BBOX1: variants seen among roughly 807,000 people sequenced by gnomAD.
BBOX1 encodes the protein gamma-butyrobetaine hydroxylase 1.
BBOX1 carries 35 observed loss-of-function variants against 41.6 expected under a neutral mutation model. The ratio of observed to expected loss-of-function variants is 0.84; its 90% CI spans 0.64 to 1.11. The LOEUF (loss-of-function observed/expected upper bound fraction) is 1.11. Ranked by LOEUF, BBOX1 falls within the 50% of genes most tolerant of loss-of-function variation. BBOX1 has a pLI of 0.00. For missense variants in BBOX1, 458 were observed against 460.6 expected (o/e 0.99, Z 0.05); for synonymous variants, 163 against 154.7 (o/e 1.05, Z -0.40).
intron 5 of BBOX1, among the ~76,000 whole-genome samples, chr11:27,105,781 C>G (rs1858844243): frequency 6.6e-6 from 1 of 152,056 alleles, no homozygotes; most frequent in Non-Finnish European, 1.5e-5. Context: ...CTCCAAGACA[C>G]ATAACTGTCA....
Position 27,047,080 on chromosome 11 carries a change from C to G in BBOX1, c.-39+5602C>G, listed in dbSNP as rs542196456. On this transcript the variant is annotated intron_variant, in intron 2 of 8. Coordinates refer to ENST00000263182, the MANE Select transcript of BBOX1 (RefSeq NM_003986.3). Reference sequence around the variant, plus strand: ...AGGGATTGTGAAGAGAAGGAATGACCCACTAAGTTTCTACAGAGATACCTA... The same window carrying G: ...AGGGATTGTGAAGAGAAGGAATGACGCACTAAGTTTCTACAGAGATACCTA... 2.0e-5 allele frequency: 3 copies of G among 152,210 alleles called. No homozygotes were observed. In the South Asian group the frequency reaches 6.2e-4, roughly 32 times the overall value. The allele number at this position is 152,210 out of a possible 1,614,324, so 9.4% of individuals were successfully genotyped here.
chr11:27,043,306 A>G (rs11029797), intron 2 of BBOX1, among the ~76,000 whole-genome samples: 79,906 of 151,778 alleles, frequency 0.53, 21,377 homozygotes, highest in African/African-American at 0.63. Flanking sequence ...CTCGTGATCC[A>G]CCCACCTCAG....
At chr11:27,097,098 G>T (rs914575891) in intron 5 of BBOX1, among the ~76,000 whole-genome samples, 3 of 151,936 alleles carry the variant, frequency 2.0e-5, no homozygotes, top group Admixed American at 6.6e-5. Context: ...TGTCAATTTT[G>T]TCAAATACAT....
At chr11:27,058,762 C>T (rs1276839868) in intron 4 of BBOX1, among the ~76,000 whole-genome samples, 3 of 152,096 alleles carry the variant, frequency 2.0e-5, no homozygotes, top group South Asian at 2.1e-4. Flanking sequence ...AATTTCTAAG[C>T]AGCAAAGTAA....
At chr11:27,096,564 G>A (rs763154811) in intron 5 of BBOX1, among the ~76,000 whole-genome samples, 6 of 151,946 alleles carry the variant, frequency 3.9e-5, no homozygotes, top group South Asian at 2.1e-4. Flanking sequence ...GCCTTCCTTG[G>A]GAAACTAGTA....
chr11:27,102,089 T>A (rs891932520), intron 5 of BBOX1, among the ~76,000 whole-genome samples: 1 of 152,116 alleles, frequency 6.6e-6, no homozygotes, highest in East Asian at 1.9e-4. Context: ...TGACATAAGC[T>A]TGGTGCTGAG....
rs1859709479 is a variant in BBOX1, at chr11:27,127,446, G to A, written c.1157G>A (p.Gly386Glu). 3 of 1,603,240 alleles carry A rather than the reference G, an allele frequency of 1.9e-6. No individual in the cohort carries two copies. The highest frequency in any genetic ancestry group is 2.5e-6 in the Non-Finnish European group (3 of 1,177,422). Residue 386 changes from glycine (G) to glutamate (E), a missense_variant, in exon 9 of 9, where the codon GGA becomes GAA. By Grantham distance (98) the Gly-to-Glu change is moderately conservative. Coordinates refer to ENST00000263182, the MANE Select transcript of BBOX1 (RefSeq NM_003986.3). ...LRILRQRVEN[G>E]N is the part of the protein sequence containing the mutation. Reference sequence around the variant, plus strand: ...ATCTTAAGGCAGAGGGTGGAGAATGGAAACTGAAGTCACCTGTAGATAATT... The same window carrying A: ...ATCTTAAGGCAGAGGGTGGAGAATGAAAACTGAAGTCACCTGTAGATAATT...
At chr11:27,072,144 G>A (rs1857474174) in intron 4 of BBOX1, among the ~76,000 whole-genome samples, 1 of 152,174 alleles carries the variant, frequency 6.6e-6, no homozygotes, top group African/African-American at 2.4e-5. Flanking sequence ...CCTGTTTGCA[G>A]ATGACATGAT....
chr11:27,069,923 G>C (rs1375020070), intron 4 of BBOX1, among the ~76,000 whole-genome samples: 1 of 152,008 alleles, frequency 6.6e-6, no homozygotes, highest in Non-Finnish European at 1.5e-5. Context: ...GTGATGTATA[G>C]TAGTCAACAT....
chr11:27,113,720 G>A (rs1376459371), intron 5 of BBOX1, among the ~76,000 whole-genome samples: 1 of 151,340 alleles, frequency 6.6e-6, no homozygotes, highest in Admixed American at 6.6e-5. Context: ...TATATTACCT[G>A]AGTGACAAAA....
At chr11:27,055,789 G>A (rs1015614325) in intron 3 of BBOX1, 140 bp downstream of exon 3, 16 of 640,272 alleles carry the variant, frequency 2.5e-5, no homozygotes, top group Admixed American at 6.0e-5. Context: ...TACTTGGTGC[G>A]AATTAAGTAT....
chr11:27,048,961 T>C (rs139576648), intron 2 of BBOX1, among the ~76,000 whole-genome samples: 25,592 of 140,602 alleles, frequency 0.18, 2,485 homozygotes, highest in Middle Eastern at 0.26. Flanking sequence ...TATATTCTCA[T>C]TGTTAAATTC....
At chr11:27,126,694 G>A (rs954242728) in intron 8 of BBOX1, among the ~76,000 whole-genome samples, 4 of 68,774 alleles carry the variant, frequency 5.8e-5, no homozygotes, top group African/African-American at 2.4e-4. Context: ...TTTTTTTTTT[G>A]AGACGGAGTC....
chr11:27,081,841 G>A (rs1391743075), intron 4 of BBOX1, among the ~76,000 whole-genome samples: 1 of 152,138 alleles, frequency 6.6e-6, no homozygotes, highest in African/African-American at 2.4e-5. Context: ...TCTGTTGGCT[G>A]CATACATGTC....
chr11:27,122,104 T>C (rs1859485223), intron 7 of BBOX1, among the ~76,000 whole-genome samples: 1 of 152,202 alleles, frequency 6.6e-6, no homozygotes, highest in Admixed American at 6.5e-5. Context: ...TGGGTTAATT[T>C]AATTTTCTTT....
At chr11:27,078,371 G>C (rs144791355) in intron 4 of BBOX1, among the ~76,000 whole-genome samples, 5 of 151,684 alleles carry the variant, frequency 3.3e-5, no homozygotes, top group African/African-American at 9.7e-5. Flanking sequence ...TGTGCACAAC[G>C]TGCAGTTTTG....
chr11:27,092,359 G>C (rs1032741239), intron 4 of BBOX1, among the ~76,000 whole-genome samples: 5 of 151,940 alleles, frequency 3.3e-5, no homozygotes, highest in African/African-American at 1.2e-4. Flanking sequence ...GGATCAGCTA[G>C]AGTCAGGCTT....
At chr11:27,096,214 TC>T (rs918652667) in intron 5 of BBOX1, among the ~76,000 whole-genome samples, 3 of 152,030 alleles carry the variant, frequency 2.0e-5, no homozygotes, top group African/African-American at 7.2e-5. Flanking sequence ...CGTTATTCTT[TC>T]TACTTTGTTT....
chr11:27,057,128 A>G, intron 3 of BBOX1, 73 bp from the exon 4 acceptor site: 1 of 899,812 alleles, frequency 1.1e-6, no homozygotes, highest in Non-Finnish European at 1.6e-6. Flanking sequence ...CTTAAACAGC[A>G]TTCAAAAACA....
Sources: allele counts gnomAD v4.1 joint callset (sites outside exome capture counted in the v4.1 genomes callset), GRCh38; gene constraint gnomAD v4.1.1; transcripts MANE v1.5; gene names NCBI Gene and HGNC (gene_info 2026-07-23, HGNC 2026-07-21).